Variants in CMIP observed in about 807,000 individuals in gnomAD.
The protein encoded by CMIP is C-Maf-inducing protein.
A neutral mutation model predicts 97.3 loss-of-function variants in CMIP; 13 were observed. That is an observed-to-expected ratio of 0.13 (90% CI 0.09 to 0.21). CMIP has a LOEUF of 0.21. CMIP is among the 10% of genes least tolerant of loss of function. The probability of loss-of-function intolerance (pLI) is 1.00; values close to 1 mark genes in which losing one functional copy is unlikely to be tolerated. For synonymous variants in CMIP, 538 were observed against 436.3 expected (o/e 1.23, Z -2.91); for missense variants, 847 against 1,024.9 (o/e 0.83, Z 2.37).
rs2092434940 is a variant in CMIP, at chr16:81,652,111, C to G, written c.478-92C>G. The G allele has an allele frequency of 9.6e-7, 1 of 1,036,644 alleles. No homozygotes were observed. The highest frequency in any genetic ancestry group is 1.5e-5 in the South Asian group (1 of 66,988). The allele number at this position is 1,036,644 out of a possible 1,614,324, so 64.2% of individuals were successfully genotyped here. On this transcript the variant is annotated intron_variant, in intron 3 of 20. Transcript: ENST00000537098. The surrounding 1 kb of genome is among the most constrained non-coding windows in gnomAD (Gnocchi z 5.2). ...GTTGTCAGTTTCTCAGGGCCCTTTACACCCTAACCCATCTGATTCTTTGAT... is the reference window on the plus strand; with the variant it reads ...GTTGTCAGTTTCTCAGGGCCCTTTAGACCCTAACCCATCTGATTCTTTGAT...
At chr16:81,474,849 C>G (rs1209010417) in intron 1 of CMIP, among the ~76,000 whole-genome samples, 1 of 152,236 alleles carries the variant, frequency 6.6e-6, no homozygotes, top group Non-Finnish European at 1.5e-5. Context: ...TGCCCTGCCT[C>G]CAGCCATGGG....
intron 10 of CMIP, among the ~76,000 whole-genome samples, chr16:81,687,405 G>A (rs2151072902): frequency 6.6e-6 from 1 of 152,314 alleles, no homozygotes; most frequent in East Asian, 1.9e-4. Flanking sequence ...GCCCTCAGAG[G>A]TGCCCAGGCC....
intron 1 of CMIP, among the ~76,000 whole-genome samples, chr16:81,567,089 C>T (rs947425542): frequency 1.3e-5 from 2 of 152,238 alleles, no homozygotes; most frequent in Admixed American, 6.5e-5. Context: ...AGCGACTTCT[C>T]GTACCTCCTG....
rs1312909958 is a variant in CMIP at position 81,652,290 on chromosome 16, G to A, written c.565G>A (p.Ala189Thr). ...LKEIRTLVDMALTSPLQDDSI... is the reference protein window; with the variant it reads ...LKEIRTLVDMTLTSPLQDDSI... ...AGAGATCCGGACCCTGGTGGACATG[G>A]CCCTGACATCCCCCCTGCAGGATGA... is the stretch of plus-strand genomic sequence containing the variant. The change falls in exon 4 of 21, where the codon GCC becomes ACC. Residue 189 changes from alanine to threonine, a missense_variant. Ala to Thr is a moderately conservative substitution (Grantham distance 58). This residue lies in a region of CMIP where 285 missense variants were observed against 392.2 expected (regional missense o/e 0.73). Coordinates refer to ENST00000537098, the MANE Select transcript of CMIP (RefSeq NM_198390.3). The surrounding 1 kb of genome is among the most constrained non-coding windows in gnomAD (Gnocchi z 5.2). 2.5e-6 allele frequency: 4 copies of A among 1,613,876 alleles called. No individual in the cohort carries two copies. The highest frequency in any genetic ancestry group is 1.1e-5 in the South Asian group (1 of 91,076).
intron 1 of CMIP, among the ~76,000 whole-genome samples, chr16:81,591,861 G>A (rs2091471640): frequency 6.7e-6 from 1 of 149,904 alleles, no homozygotes; most frequent in Admixed American, 6.7e-5. Flanking sequence ...GTCTCGTGCT[G>A]TCACCTAGGC....
intron 7 of CMIP, chr16:81,665,363 T>C (rs1199512185): frequency 1.3e-5 from 2 of 152,222 alleles, no homozygotes; most frequent in African/African-American, 4.8e-5. Flanking sequence ...TTTTTGCAGA[T>C]GCTTATTGAA....
At position 81,585,301 on chromosome 16, in the gene CMIP, A is replaced by G. The variant is rs1309217551; in HGVS notation, c.301-22266A>G. Among the ~76,000 whole-genome samples, 2 of 152,242 alleles carry G rather than the reference A, an allele frequency of 1.3e-5. 1 individual carries two copies. Among genetic ancestry groups the G allele is most frequent in the Non-Finnish European group, 2.9e-5 (2 of 68,046 alleles). On this transcript the variant is annotated intron_variant, in intron 1 of 20. Coordinates refer to ENST00000537098, the MANE Select transcript of CMIP (RefSeq NM_198390.3). ...GGTTGCAGTGAGCCGAGATTGTGCC[A>G]TTGTACTCCAGCCTGGGCAAAAGAG...
intron 8 of CMIP, among the ~76,000 whole-genome samples, chr16:81,670,624 G>A (rs115739243): frequency 4.5e-5 from 6 of 134,082 alleles, no homozygotes; most frequent in Admixed American, 7.2e-5. Context: ...TTTTTTTGGG[G>A]GGGGGGGGGG....
chr16:81,557,339 TG>T (rs2090784476), intron 1 of CMIP, among the ~76,000 whole-genome samples: 1 of 146,752 alleles, frequency 6.8e-6, no homozygotes, highest in Admixed American at 6.8e-5. Flanking sequence ...TGATGTTGGT[TG>T]AATTTACTGA....
At chr16:81,601,289 T>G (rs1163192046) in intron 1 of CMIP, among the ~76,000 whole-genome samples, 1 of 152,168 alleles carries the variant, frequency 6.6e-6, no homozygotes, top group Non-Finnish European at 1.5e-5. Context: ...CGTATTCACT[T>G]TGAGAGGAAT....
chr16:81,564,352 G>A (rs7203816), intron 1 of CMIP, among the ~76,000 whole-genome samples: 58,189 of 151,974 alleles, frequency 0.38, 12,076 homozygotes, highest in African/African-American at 0.54. Context: ...TGAGCTCCAG[G>A]GACTTGATTT....
chr16:81,466,617 G>A (rs1452319721), intron 1 of CMIP, among the ~76,000 whole-genome samples: 1 of 152,158 alleles, frequency 6.6e-6, no homozygotes, highest in Admixed American at 6.5e-5. Context: ...ACTTACGAAC[G>A]GGCCATGATT....
At chr16:81,666,359 T>G (rs1026203795) in intron 7 of CMIP, 4 of 152,158 alleles carry the variant, frequency 2.6e-5, no homozygotes, top group African/African-American at 9.7e-5. Context: ...TTTTGCATAC[T>G]CCATGTTAGT....
chr16:81,552,179 CA>C (rs916377567), intron 1 of CMIP, among the ~76,000 whole-genome samples: 31 of 152,188 alleles, frequency 2.0e-4, no homozygotes, highest in African/African-American at 7.5e-4. Context: ...GAATCCTCCC[CA>C]TACGTGGCAG....
chr16:81,593,664 C>G (rs770276487), intron 1 of CMIP, among the ~76,000 whole-genome samples: 2 of 152,234 alleles, frequency 1.3e-5, no homozygotes, highest in South Asian at 2.1e-4. Context: ...CGCCGACCAC[C>G]TGGCGCGTCT....
chr16:81,476,752 A>G (rs973621301), intron 1 of CMIP, among the ~76,000 whole-genome samples: 2 of 152,180 alleles, frequency 1.3e-5, no homozygotes, highest in East Asian at 1.9e-4. Flanking sequence ...GCTGCTGTAA[A>G]CAATGCCACA....
intron 1 of CMIP, among the ~76,000 whole-genome samples, chr16:81,530,118 A>G (rs140566378): frequency 7.0e-4 from 106 of 152,308 alleles, no homozygotes; most frequent in African/African-American, 2.2e-3. Context: ...ATTTATCTCT[A>G]TAGATCATTC....
At chr16:81,476,567 C>T (rs1345518448) in intron 1 of CMIP, 15 of 554,812 alleles carry the variant, frequency 2.7e-5, no homozygotes, top group Non-Finnish European at 4.7e-5. Context: ...GCAGAGTGGC[C>T]ATGTTTCCTA....
At chr16:81,528,950 C>T (rs1320299679) in intron 1 of CMIP, among the ~76,000 whole-genome samples, 2 of 152,090 alleles carry the variant, frequency 1.3e-5, no homozygotes, top group East Asian at 1.9e-4. Context: ...CATGCACCCA[C>T]CCGTCCATCC....
Sources: gnomAD v4.1 joint callset for allele counts (sites outside exome capture counted in the v4.1 genomes callset) on GRCh38, gnomAD v4.1.1 for gene constraint, gnomAD v4.1.1 regional missense constraint, Gnocchi (gnomAD v3.1) non-coding constraint, MANE v1.5 for transcripts, NCBI Gene and HGNC (gene_info 2026-07-23, HGNC 2026-07-21) for gene names.